FAT1: variants seen among roughly 807,000 people sequenced by gnomAD.
FAT1 encodes FAT atypical cadherin 1.
FAT1 carries 171 observed loss-of-function variants against 329.8 expected under a neutral mutation model. The observed-to-expected ratio is 0.52, with a 90% CI of 0.46 to 0.59. The LOEUF (loss-of-function observed/expected upper bound fraction) is 0.59, where lower values mean the gene tolerates loss of function less well. Ranked by LOEUF, FAT1 falls within the 20% of genes least tolerant of loss-of-function variation. The pLI is 0.00. For missense variants in FAT1, 5,672 were observed against 5,774.4 expected, an observed-to-expected ratio of 0.98 and a Z score of 0.57; for synonymous variants, 2,233 against 2,228.6, an observed-to-expected ratio of 1.00 and a Z score of -0.06.
At chr4:186,643,221 G>A (rs987972563) in intron 3 of FAT1, among the ~76,000 whole-genome samples, 6 of 152,122 alleles carry the variant, frequency 3.9e-5, no homozygotes, top group Admixed American at 6.5e-5. Context: ...TGGAGAACGC[G>A]CTCCCCACGG....
At chr4:186,594,282 C>T (rs908597975) in intron 26 of FAT1, among the ~76,000 whole-genome samples, 7 of 150,612 alleles carry the variant, frequency 4.6e-5, no homozygotes, top group African/African-American at 9.9e-5. Flanking sequence ...AGGACGGTCT[C>T]GATCTCCCAA....
chr4:186,620,892 G>A lies in FAT1; in HGVS notation c.5694C>T (p.Val1898=), dbSNP rs2126520219. The change falls in exon 10 of 27, where the codon GTC becomes GTT. Residue 1898 remains valine (V), a synonymous_variant. Transcript: ENST00000441802. ...LLLPTYKGVK[V]ITVNATDADS... ...CAGCATCTGTAGCATTTACTGTGATGACTTTTACTCCTTTGTATGTTGGTA... is the reference window on the plus strand; with the variant it reads ...CAGCATCTGTAGCATTTACTGTGATAACTTTTACTCCTTTGTATGTTGGTA... 6.2e-7 allele frequency: 1 copy of A among 1,613,964 alleles called. No individual in the cohort carries two copies.
chr4:186,718,657 A>T (rs1745329985), intron 1 of FAT1, among the ~76,000 whole-genome samples: 1 of 152,150 alleles, frequency 6.6e-6, no homozygotes, highest in South Asian at 2.1e-4. Flanking sequence ...ACAGAGCCAG[A>T]CTCCGTCTCA....
At chr4:186,717,746 G>C (rs762081190) in intron 1 of FAT1, among the ~76,000 whole-genome samples, 1 of 152,184 alleles carries the variant, frequency 6.6e-6, no homozygotes, top group African/African-American at 2.4e-5. Flanking sequence ...CTGTGCTCCT[G>C]GGAACGACAA....
chr4:186,647,600 T>C (rs1265898403), intron 3 of FAT1, among the ~76,000 whole-genome samples: 1 of 152,220 alleles, frequency 6.6e-6, no homozygotes, highest in Non-Finnish European at 1.5e-5. Context: ...AGGAGTCCTC[T>C]GGGCTCCATC....
At chr4:186,600,428 A>C in intron 21 of FAT1, 68 bp from the exon 22 acceptor site, 5 of 1,347,922 alleles carry the variant, frequency 3.7e-6, no homozygotes, top group Non-Finnish European at 5.1e-6. Context: ...CTGATCACAA[A>C]TCTACAGGAG....
At chr4:186,701,244 C>T (rs1744295662) in intron 2 of FAT1, among the ~76,000 whole-genome samples, 1 of 152,196 alleles carries the variant, frequency 6.6e-6, no homozygotes, top group African/African-American at 2.4e-5. Flanking sequence ...AAGGACCCTT[C>T]CCCTGGTAGA....
chr4:186,622,699 C>T (rs1689720143), intron 9 of FAT1, among the ~76,000 whole-genome samples: 1 of 152,166 alleles, frequency 6.6e-6, no homozygotes, highest in Non-Finnish European at 1.5e-5. Flanking sequence ...TTCAAAGAAA[C>T]AAGCAGTTCT....
rs759948202 is a variant in FAT1 at position 186,620,537 on chromosome 4, G to A, written c.6049C>T (p.Leu2017Phe). ...PINEPLFYHI[L>F]NPDRRFKISR... ...ATTTTAAATCTGCGATCTGGGTTGA[G>A]GATGTGATAAAACAAAGGCTCATTG... Residue 2017 changes from leucine to phenylalanine, a missense_variant, in exon 10 of 27, where the codon CTC becomes TTC. Physicochemically the swap from Leu to Phe is conservative, Grantham distance 22. Around this residue, in one of 2 missense-constraint regions of FAT1, gnomAD observed 3,966 missense variants for 3,915.2 expected, o/e 1.01. Coordinates refer to ENST00000441802, the MANE Select transcript of FAT1 (RefSeq NM_005245.4). 6.2e-7 allele frequency: 1 copy of A among 1,613,868 alleles called. No individual in the cohort carries two copies. Among genetic ancestry groups the A allele is most frequent in the Non-Finnish European group, 8.5e-7 (1 of 1,179,892 alleles).
chr4:186,720,119 T>C (rs1745397565), intron 1 of FAT1, among the ~76,000 whole-genome samples: 1 of 152,268 alleles, frequency 6.6e-6, no homozygotes, highest in Non-Finnish European at 1.5e-5. Context: ...CCAAGCTGTC[T>C]TGAGCCAATA....
chr4:186,612,336 T>C (rs1739489697), intron 13 of FAT1, among the ~76,000 whole-genome samples: 1 of 152,176 alleles, frequency 6.6e-6, no homozygotes, highest in African/African-American at 2.4e-5. Flanking sequence ...CATCTGTTTA[T>C]CATTGAGCTT....
intron 3 of FAT1, among the ~76,000 whole-genome samples, chr4:186,658,331 A>T (rs1371290250): frequency 6.6e-6 from 1 of 152,180 alleles, no homozygotes; most frequent in Non-Finnish European, 1.5e-5. Context: ...GAGAAAAAAC[A>T]TTCAAAAAAG....
intron 2 of FAT1, among the ~76,000 whole-genome samples, chr4:186,677,604 A>G (rs1319948683): frequency 6.6e-6 from 1 of 152,134 alleles, no homozygotes; most frequent in Admixed American, 6.5e-5. Context: ...TCTAAAATTG[A>G]GAGGTAAGCA....
intron 2 of FAT1, among the ~76,000 whole-genome samples, chr4:186,690,310 A>C (rs1392325664): frequency 3.3e-5 from 5 of 152,168 alleles, no homozygotes; most frequent in African/African-American, 1.2e-4. Flanking sequence ...ACCCCAAAAG[A>C]TTCCAGCATA....
At position 186,620,151 on chromosome 4, in the gene FAT1, G is replaced by C; in HGVS notation, c.6435C>G (p.Thr2145=). The change falls in exon 10 of 27, where the codon ACC becomes ACG. Residue 2145 remains threonine, a synonymous_variant. Transcript: ENST00000441802. The part of the protein sequence containing the change: ...ISLKKQFELD[T]LNKEYLVTVV... ...CTGTAACAAGATATTCTTTATTTAA[G>C]GTGTCAAGCTCAAATTGCTTTTTCA... is the stretch of plus-strand genomic sequence containing the variant. The C allele has an allele frequency of 6.2e-7, 1 of 1,614,018 alleles. No homozygotes were observed. The highest frequency in any genetic ancestry group is 8.5e-7 in the Non-Finnish European group (1 of 1,179,904).
At chr4:186,673,328 T>C (rs112927796) in intron 2 of FAT1, among the ~76,000 whole-genome samples, 35 of 152,334 alleles carry the variant, frequency 2.3e-4, no homozygotes, top group African/African-American at 7.7e-4. Context: ...GAAGGTTTTA[T>C]GTACAGAACC....
At chr4:186,703,129 G>C (rs2126677254) in intron 2 of FAT1, among the ~76,000 whole-genome samples, 1 of 152,242 alleles carries the variant, frequency 6.6e-6, no homozygotes, top group African/African-American at 2.4e-5. Context: ...ACATCCAGAG[G>C]CCTCTCCAGG....
chr4:186,621,233 G>C lies in FAT1; in HGVS notation c.5353C>G (p.Leu1785Val), dbSNP rs180954226. 5 of 1,613,996 alleles carry C rather than the reference G, an allele frequency of 3.1e-6. No individual in the cohort carries two copies. The East Asian group carries it at 1.1e-4, about 36-fold the overall frequency. The change falls in exon 10 of 27, where the codon CTA (leucine) becomes GTA (valine). Residue 1785 changes from leucine to valine, a missense_variant. Leu to Val is a conservative substitution (Grantham distance 32). This residue lies in a region of FAT1 where 3,966 missense variants were observed against 3,915.2 expected (regional missense o/e 1.01). Transcript: ENST00000441802. ...SESASINSVV[L>V]TDRNVPLVIR... The stretch of plus-strand genomic sequence containing the variant: ...ACCAGTGGGACATTCCTGTCTGTTA[G>C]GACCACGCTGTTAATTGAGGCTGAT...
chr4:186,610,134 C>T lies in FAT1; in HGVS notation c.9854-119G>A, dbSNP rs1739334440. 6.5e-6 allele frequency: 4 copies of T among 618,106 alleles called. No individual in the cohort carries two copies. In the Admixed American group the frequency reaches 1.2e-4, roughly 19 times the overall value. 38.3% of individuals were successfully genotyped at this position (618,106 alleles called of 1,614,324 possible). A position where few individuals can be genotyped will look rare whatever the true frequency, so the allele number is the denominator to read the frequency against. On this transcript the variant is annotated intron_variant, in intron 14 of 26. Transcript: ENST00000441802. Reference sequence around the variant, plus strand: ...GTTTTCACTTCAAAAGTTTACTTACCATTTACGTATGTTTCCTATTTTCTT... The same window carrying T: ...GTTTTCACTTCAAAAGTTTACTTACTATTTACGTATGTTTCCTATTTTCTT...
Sources: allele counts gnomAD v4.1 joint callset (sites outside exome capture counted in the v4.1 genomes callset), GRCh38; gene constraint gnomAD v4.1.1; regional missense constraint gnomAD v4.1.1; transcripts MANE v1.5; gene names NCBI Gene and HGNC (gene_info 2026-07-23, HGNC 2026-07-21).